The following CRISPLD1 variants were observed in gnomAD, a reference collection of about 807,000 sequenced individuals.
CRISPLD1 encodes cysteine-rich secretory protein LCCL domain-containing 1.
Under a neutral mutation model 77.5 loss-of-function variants are expected in CRISPLD1, and 60 were observed. The observed-to-expected ratio is 0.77, with a 90% confidence interval of 0.63 to 0.96. CRISPLD1 has a LOEUF of 0.96. Ranked by LOEUF, CRISPLD1 falls within the 40% of genes least tolerant of loss-of-function variation. The pLI, the probability that CRISPLD1 is intolerant of heterozygous loss-of-function variation, is 0.00. For synonymous variants in CRISPLD1, 195 were observed against 200.1 expected (o/e 0.97, Z 0.22); for missense variants, 623 against 615.8 (o/e 1.01, Z -0.12).
At chr8:75,016,041 G>C (rs1813021597) in intron 6 of CRISPLD1, among the ~76,000 whole-genome samples, 1 of 151,912 alleles carries the variant, frequency 6.6e-6, no homozygotes, top group African/African-American at 2.4e-5. Context: ...CCATACTCAA[G>C]TTTAAATTTC....
At chr8:74,994,626 C>G (rs559358623) in intron 2 of CRISPLD1, among the ~76,000 whole-genome samples, 2 of 152,216 alleles carry the variant, frequency 1.3e-5, no homozygotes, top group Admixed American at 6.5e-5. Context: ...GTTTCCTCAC[C>G]TAGTCTGCCT....
intron 2 of CRISPLD1, among the ~76,000 whole-genome samples, chr8:75,005,891 A>T (rs1011334703): frequency 1.2e-4 from 19 of 152,142 alleles, no homozygotes; most frequent in African/African-American, 4.1e-4. Context: ...CCATTAGATT[A>T]TTACTTTGCC....
At chr8:75,012,332 TAAAG>T (rs1333383107) in intron 2 of CRISPLD1, 97 bp from the exon 3 acceptor site, 9 of 740,898 alleles carry the variant, frequency 1.2e-5, no homozygotes, top group Non-Finnish European at 1.9e-5. Context: ...GTTGACTTTG[TAAAG>T]AAAGAAAGAA....
chr8:75,030,141 A>G (rs1813308074), intron 14 of CRISPLD1, among the ~76,000 whole-genome samples: 1 of 152,168 alleles, frequency 6.6e-6, no homozygotes, highest in South Asian at 2.1e-4. Context: ...TACTTATAAA[A>G]GTAATATTAA....
intron 2 of CRISPLD1, among the ~76,000 whole-genome samples, chr8:75,003,140 A>G (rs1450927713): frequency 3.3e-5 from 5 of 152,230 alleles, no homozygotes; most frequent in Non-Finnish European, 7.3e-5. Context: ...AGGAATTATT[A>G]GTGGAAACTT....
chr8:74,986,152 G>A lies in CRISPLD1; in HGVS notation c.165G>A (p.Arg55=). The change falls in exon 2 of 15, where the codon AGG becomes AGA. Residue 55 remains arginine (R), a synonymous_variant. Transcript: ENST00000262207. Reference sequence around the variant, plus strand: ...GGATAGCCAAACAACGAGGGAAAAGGGCCATCACAGACAATGACATGCAGA... The same window carrying A: ...GGATAGCCAAACAACGAGGGAAAAGAGCCATCACAGACAATGACATGCAGA... ...EWWIAKQRGK[R]AITDNDMQSI... 6.2e-7 allele frequency: 1 copy of A among 1,614,078 alleles called. No individual in the cohort carries two copies. The highest frequency in any genetic ancestry group is 8.5e-7 in the Non-Finnish European group (1 of 1,180,008).
At chr8:75,021,656 T>C (rs1813138194) in intron 12 of CRISPLD1, among the ~76,000 whole-genome samples, 1 of 152,218 alleles carries the variant, frequency 6.6e-6, no homozygotes, top group African/African-American at 2.4e-5. Flanking sequence ...GCTCACATAT[T>C]TGATTAGATC....
chr8:74,987,156 A>G (rs546633596), intron 2 of CRISPLD1, among the ~76,000 whole-genome samples: 3 of 152,308 alleles, frequency 2.0e-5, no homozygotes, highest in African/African-American at 7.2e-5. Context: ...TTCTTTATTT[A>G]GATAATTTTC....
chr8:74,989,254 A>G (rs1387184786), intron 2 of CRISPLD1, among the ~76,000 whole-genome samples: 1 of 152,334 alleles, frequency 6.6e-6, no homozygotes, highest in South Asian at 2.1e-4. Flanking sequence ...GAAATAAGTT[A>G]TTGGTGATAG....
In CRISPLD1 at chr8:74,986,005, G is replaced by A. The variant is rs1337855086; in HGVS notation, c.18G>A (p.Arg6=). 2 of 1,614,024 alleles carry A rather than the reference G, an allele frequency of 1.2e-6. No individual in the cohort carries two copies. Among genetic ancestry groups the A allele is most frequent in the East Asian group, 4.5e-5 (2 of 44,876 alleles). ...CATTCATTATGAAGTGTACCGCGCG[G>A]GAGTGGCTCAGAGTAACCACAGTGC... MKCTA[R]EWLRVTTVLF... Residue 6 remains arginine (R), a synonymous_variant, in exon 2 of 15, where the codon CGG becomes CGA. Transcript: ENST00000262207.
intron 12 of CRISPLD1, among the ~76,000 whole-genome samples, chr8:75,023,634 G>T (rs1025140418): frequency 1.3e-5 from 2 of 151,970 alleles, no homozygotes; most frequent in African/African-American, 2.4e-5. Flanking sequence ...AATTGGCAAG[G>T]GTAGTTTCAA....
intron 4 of CRISPLD1, 101 bp downstream of exon 4, chr8:75,013,123 AT>A: frequency 1.1e-6 from 1 of 950,086 alleles, no homozygotes; most frequent in Non-Finnish European, 1.4e-6. Flanking sequence ...TAATATGGTT[AT>A]TAAAAAAATT....
intron 5 of CRISPLD1, 138 bp from the exon 6 acceptor site, chr8:75,014,674 C>T: frequency 1.9e-6 from 1 of 531,688 alleles, no homozygotes; most frequent in Non-Finnish European, 3.2e-6. Context: ...CAGAAGGGCT[C>T]TATAATAAAT....
At chr8:75,025,102 G>A (rs1813208869) in intron 12 of CRISPLD1, among the ~76,000 whole-genome samples, 1 of 152,188 alleles carries the variant, frequency 6.6e-6, no homozygotes, top group Admixed American at 6.5e-5. Flanking sequence ...TTGGAAATTA[G>A]CCATTTAAAG....
At chr8:74,985,464 A>C (rs1287309690) in intron 1 of CRISPLD1, among the ~76,000 whole-genome samples, 1 of 152,218 alleles carries the variant, frequency 6.6e-6, no homozygotes, top group Non-Finnish European at 1.5e-5. Flanking sequence ...AGTGTGAAAC[A>C]GAGATGGGCC....
In CRISPLD1 at chr8:75,014,910, A is replaced by G. The variant is rs369389376; in HGVS notation, c.725A>G (p.Lys242Arg). The G allele has an allele frequency of 1.6e-5, 25 of 1,563,174 alleles. No homozygotes were observed. The highest frequency in any genetic ancestry group is 4.1e-5 in the Admixed American group (2 of 48,356). The change falls in exon 6 of 15, where the codon AAA (lysine) becomes AGA (arginine). Residue 242 changes from lysine (K) to arginine (R), a missense_variant and splice_region_variant. Physicochemically the swap from Lys to Arg is conservative, Grantham distance 26. Transcript: ENST00000262207. ...GGCTGTAGAGAAAATCTGTGCTACA[A>G]AGGTAAGTGCTATTGTGTTGTGGTA... ...GGGCRENLCY[K>R]EGSDRYYPPR... is the part of the protein sequence containing the mutation.
At chr8:74,998,907 A>C (rs1019452059) in intron 2 of CRISPLD1, among the ~76,000 whole-genome samples, 4 of 151,882 alleles carry the variant, frequency 2.6e-5, no homozygotes, top group Non-Finnish European at 5.9e-5. Flanking sequence ...CTAGAACGAG[A>C]TAATCAAAGA....
chr8:75,029,411 G>A lies in CRISPLD1; in HGVS notation c.1345G>A (p.Val449Ile). 2 of 1,613,472 alleles carry A rather than the reference G, an allele frequency of 1.2e-6. No homozygotes were observed. The highest frequency in any genetic ancestry group is 1.1e-5 in the South Asian group (1 of 91,044). The stretch of plus-strand genomic sequence containing the variant: ...GCTGTCCAGTATCTGCAGAGCAGCA[G>A]TACATGCTGGAGTGGTTCGAAATCA... Reference protein sequence around the residue: ...SDLSSICRAAVHAGVVRNHGG... With the variant: ...SDLSSICRAAIHAGVVRNHGG... Residue 449 changes from valine to isoleucine, a missense_variant, in exon 14 of 15, where the codon GTA becomes ATA. Coordinates refer to ENST00000262207, the MANE Select transcript of CRISPLD1 (RefSeq NM_031461.6).
At chr8:75,006,793 C>T (rs16939024) in intron 2 of CRISPLD1, among the ~76,000 whole-genome samples, 18,755 of 151,828 alleles carry the variant, frequency 0.12, 1,702 homozygotes, top group African/African-American at 0.25. Context: ...TTACAACTTA[C>T]CAAACAACTT....
Sources: gnomAD v4.1 joint callset for allele counts (sites outside exome capture counted in the v4.1 genomes callset) on GRCh38, gnomAD v4.1.1 for gene constraint, MANE v1.5 for transcripts, NCBI Gene and HGNC (gene_info 2026-07-23, HGNC 2026-07-21) for gene names.